WDR49: variants seen among roughly 807,000 people sequenced by gnomAD.
The protein encoded by WDR49 is WD repeat domain 49, also known as cilia- and flagella-associated protein 337.
Under a neutral mutation model 119.5 loss-of-function variants are expected in WDR49, and 107 were observed. The ratio of observed to expected loss-of-function variants is 0.90; its 90% CI spans 0.77 to 1.05. WDR49 has a LOEUF of 1.05. WDR49 is among the 50% of genes least tolerant of loss of function. The probability of loss-of-function intolerance (pLI) is 0.00; values close to 1 mark genes in which losing one functional copy is unlikely to be tolerated. For synonymous variants in WDR49, 425 were observed against 418.8 expected (o/e 1.01, Z -0.18); for missense variants, 1,240 against 1,220.5 (o/e 1.02, Z -0.24).
At position 167,653,245 on chromosome 3, in the gene WDR49, T is replaced by C; in HGVS notation, c.165+16A>G. 1 of 1,536,090 alleles carries C rather than the reference T, an allele frequency of 6.5e-7. No homozygotes were observed. The highest frequency in any genetic ancestry group is 8.7e-7 in the Non-Finnish European group (1 of 1,146,812). Reference sequence around the variant, plus strand: ...TGAACAACTCAAACTATCTGGTCAATAAGCTTCACACTTACCTCAAAGGCC... The same window carrying C: ...TGAACAACTCAAACTATCTGGTCAACAAGCTTCACACTTACCTCAAAGGCC... On this transcript the variant is annotated intron_variant, in intron 2 of 18. Coordinates refer to ENST00000682715, the MANE Select transcript of WDR49 (RefSeq NM_001366157.1).
At chr3:167,548,060 C>T (rs1712316656) in intron 10 of WDR49, among the ~76,000 whole-genome samples, 1 of 151,992 alleles carries the variant, frequency 6.6e-6, no homozygotes, top group African/African-American at 2.4e-5. Context: ...CAAGTTGTTA[C>T]CATTCCATCT....
At chr3:167,493,002 T>A (rs1751210843) in intron 18 of WDR49, among the ~76,000 whole-genome samples, 1 of 152,168 alleles carries the variant, frequency 6.6e-6, no homozygotes, top group Admixed American at 6.6e-5. Context: ...TGCTCTGTGC[T>A]GACAGAATCA....
At chr3:167,628,526 C>T (rs1174385974) in intron 2 of WDR49, among the ~76,000 whole-genome samples, 1 of 152,064 alleles carries the variant, frequency 6.6e-6, no homozygotes, top group African/African-American at 2.4e-5. Flanking sequence ...TAAGCCAAAA[C>T]CTAATACAGA....
At chr3:167,619,324 T>A (rs910111648) in intron 5 of WDR49, among the ~76,000 whole-genome samples, 1 of 152,190 alleles carries the variant, frequency 6.6e-6, no homozygotes, top group Non-Finnish European at 1.5e-5. Context: ...GATTCTTATT[T>A]TCATGTTATG....
At chr3:167,649,298 AAAG>A (rs2108347554) in intron 2 of WDR49, among the ~76,000 whole-genome samples, 1 of 152,106 alleles carries the variant, frequency 6.6e-6, no homozygotes, top group Non-Finnish European at 1.5e-5. Flanking sequence ...GACAGTTTAG[AAAG>A]AAGGACAAGT....
At chr3:167,566,649 C>T (rs1236521953) in intron 8 of WDR49, among the ~76,000 whole-genome samples, 4 of 151,988 alleles carry the variant, frequency 2.6e-5, no homozygotes. Flanking sequence ...TAATGTCGAT[C>T]CCAAAAAAAC....
chr3:167,604,690 C>G (rs1438749258), intron 5 of WDR49, among the ~76,000 whole-genome samples: 2 of 152,118 alleles, frequency 1.3e-5, no homozygotes, highest in Non-Finnish European at 2.9e-5. Flanking sequence ...TTCCCCCAAT[C>G]TAGGGAAAGA....
At chr3:167,627,373 G>A (rs1717179613) in intron 2 of WDR49, 81 bp from the exon 3 acceptor site, 3 of 1,177,214 alleles carry the variant, frequency 2.5e-6, no homozygotes, top group Middle Eastern at 2.2e-4. Context: ...ACCCACAAAG[G>A]TGAATTTAAT....
chr3:167,630,563 G>T (rs1027296252), intron 2 of WDR49, among the ~76,000 whole-genome samples: 7 of 152,046 alleles, frequency 4.6e-5, no homozygotes, highest in African/African-American at 1.7e-4. Context: ...GCTTAGTGAA[G>T]CCAGTAAAAT....
chr3:167,492,235 A>T (rs1008837662), intron 18 of WDR49, among the ~76,000 whole-genome samples: 2 of 152,124 alleles, frequency 1.3e-5, no homozygotes, highest in African/African-American at 4.8e-5. Context: ...TTTAAATGAA[A>T]ATAATAAAAA....
chr3:167,478,749 T>A lies in WDR49; in HGVS notation c.*129A>T. The A allele has an allele frequency of 1.7e-6, 1 of 575,154 alleles. No individual in the cohort carries two copies. The highest frequency in any genetic ancestry group is 2.7e-5 in the South Asian group (1 of 36,618). The allele number at this position is 575,154 out of a possible 1,614,324, so 35.6% of individuals were successfully genotyped here. On this transcript the variant is annotated 3_prime_UTR_variant, in exon 19 of 19. Transcript: ENST00000682715. ...GACAGATGATAGATAAAAGCAGTAC[T>A]AAATTATCCCATGAAGAGAAAACTT...
intron 11 of WDR49, among the ~76,000 whole-genome samples, chr3:167,534,621 C>T (rs1330906838): frequency 6.6e-6 from 1 of 152,090 alleles, no homozygotes; most frequent in Non-Finnish European, 1.5e-5. Flanking sequence ...TGGATCTTTT[C>T]CTGTAAGTTT....
chr3:167,551,525 T>C (rs1712570589), intron 10 of WDR49, among the ~76,000 whole-genome samples: 1 of 152,040 alleles, frequency 6.6e-6, no homozygotes, highest in Non-Finnish European at 1.5e-5. Flanking sequence ...TTGCAATTAG[T>C]CCTACCCAGG....
intron 2 of WDR49, among the ~76,000 whole-genome samples, chr3:167,640,593 T>C (rs1717836495): frequency 6.6e-6 from 1 of 151,908 alleles, no homozygotes; most frequent in Admixed American, 6.6e-5. Context: ...ACCAAGTTAA[T>C]GTTTGGTGCC....
chr3:167,527,889 G>T lies in WDR49; in HGVS notation c.2535C>A (p.Ile845=). 6.2e-7 allele frequency: 1 copy of T among 1,613,268 alleles called. No homozygotes were observed. Among genetic ancestry groups the T allele is most frequent in the Non-Finnish European group, 8.5e-7 (1 of 1,179,524 alleles). ...MCEPGGQLLI[I]SSSADCSICV... ...AAATACTGCAGTCTGCAGAGGAGGA[G>T]ATAATCAGTAACTGACCACCTGGCT... Residue 845 remains isoleucine, a synonymous_variant, in exon 15 of 19, where the codon ATC becomes ATA. Coordinates refer to ENST00000682715, the MANE Select transcript of WDR49 (RefSeq NM_001366157.1).
chr3:167,601,211 T>C (rs1303715139), intron 7 of WDR49, among the ~76,000 whole-genome samples: 3 of 152,190 alleles, frequency 2.0e-5, no homozygotes, highest in African/African-American at 7.2e-5. Context: ...ATTGTTGAAG[T>C]TCAAGAAAAA....
intron 10 of WDR49, among the ~76,000 whole-genome samples, chr3:167,542,950 A>G (rs1282348354): frequency 6.6e-6 from 1 of 152,082 alleles, no homozygotes; most frequent in African/African-American, 2.4e-5. Flanking sequence ...ATTAGAAATG[A>G]AATGGGAGAT....
intron 6 of WDR49, 112 bp from the exon 7 acceptor site, chr3:167,602,387 A>AC: frequency 1.5e-5 from 14 of 933,994 alleles, no homozygotes; most frequent in Non-Finnish European, 2.0e-5. Context: ...TGTCAACTGT[A>AC]GGTTGACTAA....
In WDR49 at chr3:167,653,363, A is replaced by G. The variant is rs1026527904; in HGVS notation, c.63T>C (p.Pro21=). 2 of 1,535,940 alleles carry G rather than the reference A, an allele frequency of 1.3e-6. No individual in the cohort carries two copies. The highest frequency in any genetic ancestry group is 2.7e-5 in the African/African-American group (2 of 73,050). The change falls in exon 2 of 19, where the codon CCT becomes CCC. Residue 21 remains proline, a synonymous_variant. Transcript: ENST00000682715. Reference sequence around the variant, plus strand: ...ATGCAGTTACACCTTCTGTTCTCTCAGGACTCTTTGGCCCAAGCTGTGACC... The same window carrying G: ...ATGCAGTTACACCTTCTGTTCTCTCGGGACTCTTTGGCCCAAGCTGTGACC... The part of the protein sequence containing the change: ...NIGSQLGPKS[P]ERTEGVTAFE...
Sources: gnomAD v4.1 joint callset for allele counts (sites outside exome capture counted in the v4.1 genomes callset) on GRCh38, gnomAD v4.1.1 for gene constraint, MANE v1.5 for transcripts, NCBI Gene and HGNC (gene_info 2026-07-23, HGNC 2026-07-21) for gene names.